Variants in IRAG1 observed in about 807,000 individuals in gnomAD.
IRAG1 encodes the protein inositol 1,4,5-triphosphate receptor associated 1, also known as IP3R-associated cGMP kinase substrate.
In IRAG1, 62 loss-of-function variants were observed where a neutral mutation model predicts 106.2. The observed-to-expected ratio is 0.58, with a 90% CI of 0.48 to 0.72. The LOEUF is 0.72. Among genes scored for constraint, IRAG1 ranks in the 30% least tolerant of loss-of-function variants. The probability of loss-of-function intolerance (pLI) is 0.00; values close to 1 mark genes in which losing one functional copy is unlikely to be tolerated. For synonymous variants in IRAG1, 462 were observed against 443.9 expected, an observed-to-expected ratio of 1.04 and a Z score of -0.51; for missense variants, 1,064 against 1,140.7, an observed-to-expected ratio of 0.93 and a Z score of 0.97.
intron 1 of IRAG1, among the ~76,000 whole-genome samples, chr11:10,692,098 C>T (rs1212355232): frequency 6.6e-6 from 1 of 152,060 alleles, no homozygotes; most frequent in Admixed American, 6.5e-5. Context: ...GTTATCCCTC[C>T]AAGATGATAA....
chr11:10,681,088 G>A (rs938884004), intron 1 of IRAG1, among the ~76,000 whole-genome samples: 20 of 152,218 alleles, frequency 1.3e-4, no homozygotes, highest in South Asian at 8.3e-4. Flanking sequence ...GGGAGTGCCC[G>A]ACACCTCCTG....
intron 10 of IRAG1, among the ~76,000 whole-genome samples, chr11:10,610,258 C>T (rs900086623): frequency 5.9e-5 from 9 of 152,228 alleles, no homozygotes; most frequent in South Asian, 4.1e-4. Flanking sequence ...AATTATTCCT[C>T]CTCGGATAAA....
chr11:10,593,483 C>A lies in IRAG1; in HGVS notation c.2175+9G>T. 6.2e-7 allele frequency: 1 copy of A among 1,610,182 alleles called. No homozygotes were observed. The highest frequency in any genetic ancestry group is 1.1e-5 in the South Asian group (1 of 90,974). ...TTCTGTGCTGGGAGGCAGACATCGT[C>A]ATACTTACCAAGGCTGGTAAGGAGG... On this transcript the variant is annotated intron_variant, in intron 17 of 20. Transcript: ENST00000423302.
intron 1 of IRAG1, among the ~76,000 whole-genome samples, chr11:10,679,891 G>C (rs10219426): frequency 0.076 from 11,521 of 152,250 alleles, 1,521 homozygotes; most frequent in African/African-American, 0.26. Context: ...GTATAAATCT[G>C]CAAGAAGGGG....
intron 20 of IRAG1, among the ~76,000 whole-genome samples, chr11:10,579,020 A>T (rs57197678): frequency 0.014 from 2,161 of 152,304 alleles, 56 homozygotes; most frequent in African/African-American, 0.05. Flanking sequence ...TCAGCAGAGA[A>T]CCCTCAGGAG....
At chr11:10,648,016 C>CCAGT (rs1411155650) in intron 2 of IRAG1, among the ~76,000 whole-genome samples, 1 of 152,174 alleles carries the variant, frequency 6.6e-6, no homozygotes, top group African/African-American at 2.4e-5. Context: ...AGCTGGCCAA[C>CCAGT]CAGTGCACAG....
chr11:10,578,011 T>G (rs1851004644), intron 20 of IRAG1, among the ~76,000 whole-genome samples: 1 of 152,172 alleles, frequency 6.6e-6, no homozygotes. Context: ...ATGGAGCCTT[T>G]GGGGCTGTAT....
At chr11:10,691,212 T>G (rs1303941018) in intron 1 of IRAG1, among the ~76,000 whole-genome samples, 1 of 152,200 alleles carries the variant, frequency 6.6e-6, no homozygotes, top group East Asian at 1.9e-4. Context: ...ACCCACTTTA[T>G]AAGCATTGTG....
intron 1 of IRAG1, among the ~76,000 whole-genome samples, chr11:10,670,229 C>T (rs1860112620): frequency 6.6e-6 from 1 of 152,200 alleles, no homozygotes; most frequent in Non-Finnish European, 1.5e-5. Flanking sequence ...AGAGGGACTC[C>T]TCATACAACT....
chr11:10,672,860 A>G (rs375031800), intron 1 of IRAG1, among the ~76,000 whole-genome samples: 1 of 152,238 alleles, frequency 6.6e-6, no homozygotes, highest in East Asian at 1.9e-4. Context: ...ACATAAAAAC[A>G]TGTACACAAT....
At chr11:10,587,253 G>A (rs931250150) in intron 18 of IRAG1, among the ~76,000 whole-genome samples, 4 of 152,194 alleles carry the variant, frequency 2.6e-5, no homozygotes, top group African/African-American at 9.7e-5. Context: ...GGACAGGCAG[G>A]TATATTAGAT....
At chr11:10,598,893 C>G (rs1853627370) in intron 15 of IRAG1, among the ~76,000 whole-genome samples, 1 of 152,126 alleles carries the variant, frequency 6.6e-6, no homozygotes. Context: ...TTACTGCAGT[C>G]TTCAAAACCC....
intron 2 of IRAG1, among the ~76,000 whole-genome samples, chr11:10,645,163 A>AGTAAAT (rs1461671078): frequency 1.3e-5 from 2 of 152,210 alleles, no homozygotes; most frequent in African/African-American, 2.4e-5. Flanking sequence ...ACATTGACTG[A>AGTAAAT]GTAAATGTAC....
At chr11:10,649,117 C>A (rs1010186996) in intron 2 of IRAG1, among the ~76,000 whole-genome samples, 1 of 152,160 alleles carries the variant, frequency 6.6e-6, no homozygotes, top group Non-Finnish European at 1.5e-5. Flanking sequence ...AGGTTCCAGC[C>A]CCCTGAAGGC....
intron 1 of IRAG1, among the ~76,000 whole-genome samples, chr11:10,678,561 G>A (rs1860891605): frequency 6.6e-6 from 1 of 152,210 alleles, no homozygotes; most frequent in Non-Finnish European, 1.5e-5. Context: ...GCCATTAGGA[G>A]CCCAGCTGAG....
At chr11:10,680,165 T>C (rs891355816) in intron 1 of IRAG1, among the ~76,000 whole-genome samples, 1 of 151,036 alleles carries the variant, frequency 6.6e-6, no homozygotes, top group Non-Finnish European at 1.5e-5. Context: ...CCCAGCTACT[T>C]GGGAGGCTGA....
intron 10 of IRAG1, among the ~76,000 whole-genome samples, chr11:10,620,304 T>C (rs942085687): frequency 6.6e-6 from 1 of 152,152 alleles, no homozygotes. Context: ...TTACAATTCC[T>C]CTAAAATAAC....
At chr11:10,581,149 G>T (rs1851346989) in intron 19 of IRAG1, among the ~76,000 whole-genome samples, 1 of 152,064 alleles carries the variant, frequency 6.6e-6, no homozygotes, top group Non-Finnish European at 1.5e-5. Context: ...TCTCCCCCAG[G>T]GTCAATATTA....
chr11:10,678,275 C>G (rs1860869340), intron 1 of IRAG1, among the ~76,000 whole-genome samples: 1 of 152,178 alleles, frequency 6.6e-6, no homozygotes, highest in South Asian at 2.1e-4. Context: ...CAACAACATG[C>G]TGGGTCTATT....
Sources: allele counts gnomAD v4.1 joint callset (sites outside exome capture counted in the v4.1 genomes callset), GRCh38; gene constraint gnomAD v4.1.1; transcripts MANE v1.5; gene names NCBI Gene and HGNC (gene_info 2026-07-23, HGNC 2026-07-21).